The following NRXN1 variants were observed in gnomAD, a reference collection of about 807,000 sequenced individuals.
NRXN1 encodes neurexin 1.
A neutral mutation model predicts 150.9 loss-of-function variants in NRXN1; 39 were observed. The observed-to-expected ratio is 0.26, with a 90% CI of 0.20 to 0.34. NRXN1 has a LOEUF of 0.34. Ranked by LOEUF, NRXN1 falls within the 10% of genes least tolerant of loss-of-function variation. NRXN1 has a pLI of 1.00. For missense variants in NRXN1, 1,815 were observed against 1,949.9 expected, an observed-to-expected ratio of 0.93 and a Z score of 1.30; for synonymous variants, 924 against 757.0, an observed-to-expected ratio of 1.22 and a Z score of -3.62.
intron 5 of NRXN1, among the ~76,000 whole-genome samples, chr2:50,672,455 T>C (rs1347323207): frequency 6.6e-6 from 1 of 152,044 alleles, no homozygotes. Context: ...AGGTAACACA[T>C]GCTTGATGAG....
intron 21 of NRXN1, among the ~76,000 whole-genome samples, chr2:49,964,381 A>C (rs1016331312): frequency 6.6e-6 from 1 of 151,764 alleles, no homozygotes; most frequent in African/African-American, 2.4e-5. Context: ...GGAGTTCGAG[A>C]CCAGACTGGC....
At chr2:50,942,905 T>C (rs966107254) in intron 2 of NRXN1, among the ~76,000 whole-genome samples, 1 of 152,126 alleles carries the variant, frequency 6.6e-6, no homozygotes, top group Admixed American at 6.5e-5. Flanking sequence ...GCGCCAGGGA[T>C]GGAATAACAT....
Position 50,327,774 on chromosome 2 carries a change from T to G in NRXN1, c.3365-90804A>C, listed in dbSNP as rs187764730. Among the ~76,000 whole-genome samples, 491 of 151,968 alleles carry G rather than the reference T, an allele frequency of 3.2e-3. 3 individuals carry two copies. Among genetic ancestry groups the G allele is most frequent in the African/African-American group, 0.012 (483 of 41,460 alleles). ...AAGGGATTCTCCTGCTTCAGCCTCC[T>G]GAGTAGCTGGGATTACAGGCATGAG... is the stretch of plus-strand genomic sequence containing the variant. On this transcript the variant is annotated intron_variant, in intron 17 of 22. Transcript: ENST00000401669.
At chr2:50,736,174 A>C (rs1254093672) in intron 5 of NRXN1, among the ~76,000 whole-genome samples, 1 of 152,088 alleles carries the variant, frequency 6.6e-6, no homozygotes, top group Non-Finnish European at 1.5e-5. Context: ...GCTCCATTCT[A>C]CCATAGGACC....
At chr2:50,963,809 C>T (rs187846288) in intron 2 of NRXN1, among the ~76,000 whole-genome samples, 67 of 151,706 alleles carry the variant, frequency 4.4e-4, no homozygotes, top group African/African-American at 9.6e-4. Flanking sequence ...TGAATAAATG[C>T]CTTTCTTCTG....
In NRXN1 at chr2:50,707,550, T is replaced by A. The variant is rs190548359; in HGVS notation, c.833-83935A>T. 2.5e-3 allele frequency among the ~76,000 whole-genome samples: 380 copies of A among 152,214 alleles called. 4 individuals are homozygous for A. Among genetic ancestry groups the A allele is most frequent in the Non-Finnish European group, 4.0e-4 (27 of 68,008 alleles). On this transcript the variant is annotated intron_variant, in intron 5 of 22. Coordinates refer to ENST00000401669, the MANE Select transcript of NRXN1 (RefSeq NM_001330078.2). ...ATATTGAAAATTCAGTCAAACAGCTTTTTATCATTTCAAAACTTGAGCTCA... is the reference window on the plus strand; with the variant it reads ...ATATTGAAAATTCAGTCAAACAGCTATTTATCATTTCAAAACTTGAGCTCA...
At chr2:50,438,188 TC>T (rs2085617593) in intron 17 of NRXN1, among the ~76,000 whole-genome samples, 1 of 152,188 alleles carries the variant, frequency 6.6e-6, no homozygotes, top group Non-Finnish European at 1.5e-5. Flanking sequence ...CTTTCTGACT[TC>T]CAGTAGGATC....
intron 18 of NRXN1, among the ~76,000 whole-genome samples, chr2:50,175,976 G>C (rs2152805684): frequency 6.6e-6 from 1 of 152,176 alleles, no homozygotes; most frequent in East Asian, 1.9e-4. Context: ...TGTTAGGCAG[G>C]GAGGCAGTCA....
chr2:50,887,962 T>TA (rs1237071646), intron 5 of NRXN1, among the ~76,000 whole-genome samples: 6,600 of 133,776 alleles, frequency 0.049, 196 homozygotes, highest in East Asian at 0.11. Context: ...ACCTTTTAAG[T>TA]AAAAAAAAAA....
intron 12 of NRXN1, among the ~76,000 whole-genome samples, chr2:50,524,723 G>C (rs1197694621): frequency 1.3e-5 from 2 of 151,966 alleles, no homozygotes; most frequent in Non-Finnish European, 2.9e-5. Context: ...TAGTTGATAG[G>C]AGCAAGTTTA....
chr2:50,284,599 T>C (rs1420489830), intron 17 of NRXN1, among the ~76,000 whole-genome samples: 3 of 152,214 alleles, frequency 2.0e-5, no homozygotes, highest in Non-Finnish European at 4.4e-5. Flanking sequence ...GAATATATTG[T>C]AGTCAGTAAA....
At position 51,000,970 on chromosome 2, in the gene NRXN1, G is replaced by T. The variant is rs1699963209; in HGVS notation, c.772+26532C>A. ...TCAGACCAGGAACAAATTATAATTT[G>T]AAAGTAGGGCATAAAGCGCTGGAGT... On this transcript the variant is annotated intron_variant, in intron 2 of 22. Transcript: ENST00000401669. 2.0e-5 allele frequency among the ~76,000 whole-genome samples: 3 copies of T among 152,064 alleles called. No homozygotes were observed. The South Asian group carries it at 6.2e-4, about 32-fold the overall frequency.
At chr2:50,025,344 G>A (rs901475534) in intron 21 of NRXN1, among the ~76,000 whole-genome samples, 16 of 152,156 alleles carry the variant, frequency 1.1e-4, no homozygotes, top group African/African-American at 3.9e-4. Context: ...AATATGAGTA[G>A]GTAGAGAAAT....
intron 5 of NRXN1, among the ~76,000 whole-genome samples, chr2:50,825,946 G>C (rs905783412): frequency 3.3e-5 from 5 of 152,244 alleles, no homozygotes; most frequent in African/African-American, 9.6e-5. Flanking sequence ...TCTCATGTTA[G>C]AGGTATTGTG....
intron 5 of NRXN1, among the ~76,000 whole-genome samples, chr2:50,624,406 G>T (rs1680615702): frequency 6.6e-6 from 1 of 152,014 alleles, no homozygotes; most frequent in Non-Finnish European, 1.5e-5. Context: ...GACAACAATG[G>T]ATTCCAAGAT....
chr2:50,680,552 T>G (rs1439411721), intron 5 of NRXN1, among the ~76,000 whole-genome samples: 1 of 152,102 alleles, frequency 6.6e-6, no homozygotes, highest in African/African-American at 2.4e-5. Flanking sequence ...GTCAATCAAC[T>G]GGATCCTTTC....
At chr2:50,858,973 GATTC>G (rs1675679281) in intron 5 of NRXN1, among the ~76,000 whole-genome samples, 2 of 151,930 alleles carry the variant, frequency 1.3e-5, no homozygotes, top group African/African-American at 4.8e-5. Context: ...AGTTTTGATG[GATTC>G]ATTAACAGCC....
intron 17 of NRXN1, among the ~76,000 whole-genome samples, chr2:50,447,279 G>T (rs1423709173): frequency 6.6e-6 from 1 of 151,832 alleles, no homozygotes; most frequent in Non-Finnish European, 1.5e-5. Context: ...TTCGAGATCA[G>T]CCTGGCCAAC....
At chr2:50,648,605 A>G (rs1412845934) in intron 5 of NRXN1, among the ~76,000 whole-genome samples, 1 of 151,996 alleles carries the variant, frequency 6.6e-6, no homozygotes, top group Non-Finnish European at 1.5e-5. Flanking sequence ...AACCAGACAT[A>G]CCAGAAAAAT....
Sources: allele counts gnomAD v4.1 joint callset (sites outside exome capture counted in the v4.1 genomes callset), GRCh38; gene constraint gnomAD v4.1.1; transcripts MANE v1.5; gene names NCBI Gene and HGNC (gene_info 2026-07-23, HGNC 2026-07-21).